SPEF2: variants seen among roughly 807,000 people sequenced by gnomAD.
SPEF2 encodes sperm flagella and cilia-associated protein 2.
Under a neutral mutation model 224.6 loss-of-function variants are expected in SPEF2, and 187 were observed. The ratio of observed to expected loss-of-function variants is 0.83; its 90% CI spans 0.74 to 0.94. The LOEUF is 0.94. Ranked by LOEUF, SPEF2 falls within the 40% of genes least tolerant of loss-of-function variation. SPEF2 has a pLI of 0.00. For synonymous variants in SPEF2, 715 were observed against 707.3 expected (o/e 1.01, Z -0.17); for missense variants, 2,170 against 2,135.6 (o/e 1.02, Z -0.32).
At chr5:35,636,277 A>G (rs1397184814) in intron 2 of SPEF2, among the ~76,000 whole-genome samples, 1 of 151,558 alleles carries the variant, frequency 6.6e-6, no homozygotes, top group East Asian at 1.9e-4. Context: ...TTGCTAAGAA[A>G]CTCTATGAGT....
intron 2 of SPEF2, among the ~76,000 whole-genome samples, chr5:35,638,310 G>A (rs1746117110): frequency 6.6e-6 from 1 of 151,614 alleles, no homozygotes; most frequent in Admixed American, 6.6e-5. Context: ...AAATTCAAGT[G>A]TTCCAGTCTC....
At chr5:35,630,764 T>C (rs1165853668) in intron 2 of SPEF2, among the ~76,000 whole-genome samples, 1 of 152,170 alleles carries the variant, frequency 6.6e-6, no homozygotes, top group Non-Finnish European at 1.5e-5. Flanking sequence ...GGTTCAAAGT[T>C]CCACAGATCT....
intron 20 of SPEF2, among the ~76,000 whole-genome samples, chr5:35,721,484 G>T (rs193095122): frequency 6.6e-6 from 1 of 152,256 alleles, no homozygotes; most frequent in Admixed American, 6.5e-5. Flanking sequence ...TACCAATTGT[G>T]AAGCCGCATG....
intron 10 of SPEF2, 45 bp from the exon 11 acceptor site, chr5:35,690,992 C>A: frequency 6.6e-7 from 1 of 1,522,608 alleles, no homozygotes; most frequent in South Asian, 1.2e-5. Flanking sequence ...TACCTAAATT[C>A]CACTTTTCAG....
At chr5:35,768,626 G>C (rs929499280) in intron 26 of SPEF2, among the ~76,000 whole-genome samples, 1 of 151,956 alleles carries the variant, frequency 6.6e-6, no homozygotes, top group African/African-American at 2.4e-5. Flanking sequence ...TTATCTCTAC[G>C]TTAAGAAATG....
At chr5:35,633,044 A>G (rs1159533060) in intron 2 of SPEF2, 2 of 152,308 alleles carry the variant, frequency 1.3e-5, no homozygotes, top group East Asian at 1.9e-4. Flanking sequence ...GTTTTTAAAA[A>G]TGGTCTAACG....
At chr5:35,751,977 GGGAT>G (rs1447090174) in intron 23 of SPEF2, among the ~76,000 whole-genome samples, 1 of 152,096 alleles carries the variant, frequency 6.6e-6, no homozygotes, top group Non-Finnish European at 1.5e-5. Context: ...ATTGGTGAGG[GGGAT>G]GGTTTAGAGA....
At chr5:35,776,898 T>C (rs1224449840) in intron 29 of SPEF2, among the ~76,000 whole-genome samples, 1 of 152,180 alleles carries the variant, frequency 6.6e-6, no homozygotes, top group Non-Finnish European at 1.5e-5. Flanking sequence ...TTGTTGCTAC[T>C]GAGGGGCAAT....
intron 26 of SPEF2, chr5:35,764,566 C>T (rs928076121): frequency 2.2e-6 from 1 of 456,162 alleles, no homozygotes; most frequent in Admixed American, 2.3e-5. Context: ...AAGATGTCTT[C>T]TCTTTTCACA....
intron 16 of SPEF2, among the ~76,000 whole-genome samples, chr5:35,704,018 A>G (rs1739234797): frequency 6.6e-6 from 1 of 152,198 alleles, no homozygotes; most frequent in South Asian, 2.1e-4. Flanking sequence ...AATCCAGAAT[A>G]GGACTCAATC....
chr5:35,807,850 C>T (rs1230150419), intron 36 of SPEF2: 19 of 1,509,508 alleles, frequency 1.3e-5, no homozygotes, highest in Non-Finnish European at 1.4e-5. Flanking sequence ...TCCACTATGG[C>T]GAGTCCCAGG....
At chr5:35,738,605 C>G (rs1747058420) in intron 21 of SPEF2, among the ~76,000 whole-genome samples, 3 of 149,220 alleles carry the variant, frequency 2.0e-5, no homozygotes, top group Admixed American at 6.6e-5. Context: ...AAGCTTTGCT[C>G]TTGTCTGCCG....
chr5:35,710,390 C>G, intron 19 of SPEF2: 1 of 555,210 alleles, frequency 1.8e-6, no homozygotes, highest in Non-Finnish European at 2.3e-6. Flanking sequence ...AAACCCATCT[C>G]TACCAAAAAT....
chr5:35,651,081 A>T (rs1748124923), intron 6 of SPEF2, among the ~76,000 whole-genome samples: 1 of 152,244 alleles, frequency 6.6e-6, no homozygotes, highest in African/African-American at 2.4e-5. Context: ...AGGAAGGAAG[A>T]CAGACAAAAA....
chr5:35,755,574 T>C (rs1199475620), intron 24 of SPEF2, among the ~76,000 whole-genome samples: 3 of 152,166 alleles, frequency 2.0e-5, no homozygotes, highest in Non-Finnish European at 4.4e-5. Flanking sequence ...GTTCTTACTA[T>C]GTACATGCCA....
chr5:35,748,435 C>T (rs1748901759), intron 23 of SPEF2, among the ~76,000 whole-genome samples: 1 of 151,882 alleles, frequency 6.6e-6, no homozygotes, highest in African/African-American at 2.4e-5. Flanking sequence ...GCAAGATTAA[C>T]CAAGAAAAGA....
intron 2 of SPEF2, among the ~76,000 whole-genome samples, chr5:35,637,345 G>T (rs1745981598): frequency 6.6e-6 from 1 of 152,070 alleles, no homozygotes; most frequent in African/African-American, 2.4e-5. Flanking sequence ...ATTTTTGGAG[G>T]TTCTCACTCT....
At chr5:35,661,257 TATATATATATATATATATA>T (rs1749665971) in intron 8 of SPEF2, among the ~76,000 whole-genome samples, 1 of 6,236 alleles carries the variant, frequency 1.6e-4, no homozygotes, top group Non-Finnish European at 2.5e-4. Context: ...GTATATATTA[TATATATATATATATATATA>T]TATATATATA....
intron 10 of SPEF2, among the ~76,000 whole-genome samples, chr5:35,678,044 C>CA (rs1386508699): frequency 6.6e-6 from 1 of 152,240 alleles, no homozygotes; most frequent in Non-Finnish European, 1.5e-5. Flanking sequence ...ACCATTGTCA[C>CA]ACGCTGAGTA....
Sources: gnomAD v4.1 joint callset for allele counts (sites outside exome capture counted in the v4.1 genomes callset) on GRCh38, gnomAD v4.1.1 for gene constraint, MANE v1.5 for transcripts, NCBI Gene and HGNC (gene_info 2026-07-23, HGNC 2026-07-21) for gene names.